The following MIB1 variants were observed in gnomAD, a reference collection of about 807,000 sequenced individuals.
MIB1 encodes the protein MIB E3 ubiquitin protein ligase 1, also known as E3 ubiquitin-protein ligase MIB1.
Under a neutral mutation model 124.5 loss-of-function variants are expected in MIB1, and 278 were observed. The observed-to-expected ratio is 2.23, with a 90% CI of 2.02 to 2.47. The LOEUF is 2.47. Ranked by LOEUF, MIB1 falls within the 30% of genes most tolerant of loss-of-function variation. The pLI is 0.00. For synonymous variants in MIB1, 446 were observed against 429.4 expected, an observed-to-expected ratio of 1.04 and a Z score of -0.48; for missense variants, 957 against 1,254.4, an observed-to-expected ratio of 0.76 and a Z score of 3.58.
intron 1 of MIB1, among the ~76,000 whole-genome samples, chr18:21,758,440 G>T (rs1190847017): frequency 6.6e-6 from 1 of 152,176 alleles, no homozygotes; most frequent in East Asian, 1.9e-4. Flanking sequence ...TGCGGTTAAA[G>T]TTGAATGAAT....
chr18:21,815,615 G>A lies in MIB1; in HGVS notation c.1480-1G>A. On this transcript the variant is annotated splice_acceptor_variant, in intron 10 of 20. Transcript: ENST00000261537. LOFTEE classifies it high-confidence loss of function. Reference sequence around the variant, plus strand: ...ATTCACATTTCAATACTAATGATTAGGATAAAGATGGTGATAGAGCAGTTC... The same window carrying A: ...ATTCACATTTCAATACTAATGATTAAGATAAAGATGGTGATAGAGCAGTTC... The A allele has an allele frequency of 1.2e-6, 2 of 1,612,990 alleles. No individual in the cohort carries two copies. Among genetic ancestry groups the A allele is most frequent in the Non-Finnish European group, 1.7e-6 (2 of 1,179,180 alleles).
At chr18:21,830,058 A>G (rs2041964358) in intron 12 of MIB1, among the ~76,000 whole-genome samples, 1 of 152,210 alleles carries the variant, frequency 6.6e-6, no homozygotes, top group African/African-American at 2.4e-5. Context: ...AAAAAAGGGC[A>G]GGGATAGTAG....
At chr18:21,775,727 G>A (rs577109961) in intron 4 of MIB1, among the ~76,000 whole-genome samples, 1 of 152,158 alleles carries the variant, frequency 6.6e-6, no homozygotes, top group Non-Finnish European at 1.5e-5. Flanking sequence ...AATGAAGCCT[G>A]TGTGCTATAT....
chr18:21,841,326 C>T (rs562963525), intron 13 of MIB1, among the ~76,000 whole-genome samples: 3 of 152,262 alleles, frequency 2.0e-5, no homozygotes, highest in Non-Finnish European at 4.4e-5. Flanking sequence ...AGCATCATGC[C>T]ACTGCATGCC....
At position 21,867,449 on chromosome 18, in the gene MIB1, G is replaced by A. The variant is rs1026179907; in HGVS notation, c.*2783G>A. On this transcript the variant is annotated 3_prime_UTR_variant, in exon 21 of 21. Coordinates refer to ENST00000261537, the MANE Select transcript of MIB1 (RefSeq NM_020774.4). ...ATGGTATTTGTTCACGTAATTTAAC[G>A]TTCTTACTGCTTATACTATATACAT... 4.6e-5 allele frequency: 7 copies of A among 152,454 alleles called. No homozygotes were observed. Among genetic ancestry groups the A allele is most frequent in the East Asian group, 3.8e-4 (2 of 5,196 alleles). 9.4% of individuals were successfully genotyped at this position (152,454 alleles called of 1,614,324 possible).
intron 17 of MIB1, among the ~76,000 whole-genome samples, chr18:21,852,729 C>T (rs1460920208): frequency 6.6e-6 from 1 of 152,184 alleles, no homozygotes; most frequent in Non-Finnish European, 1.5e-5. Context: ...TTTGGCTAAT[C>T]TAGCTAGATT....
chr18:21,786,344 G>A (rs1276469259), intron 6 of MIB1, among the ~76,000 whole-genome samples: 1 of 152,150 alleles, frequency 6.6e-6, no homozygotes, highest in African/African-American at 2.4e-5. Context: ...TGATCCGCCC[G>A]CCTCGGCCTC....
intron 1 of MIB1, among the ~76,000 whole-genome samples, chr18:21,715,300 A>G (rs1197042930): frequency 6.6e-6 from 1 of 152,200 alleles, no homozygotes; most frequent in African/African-American, 2.4e-5. Context: ...AGCCACATCC[A>G]TAGGAAAAGG....
At chr18:21,770,180 G>T (rs555910293) in intron 3 of MIB1, among the ~76,000 whole-genome samples, 2 of 152,120 alleles carry the variant, frequency 1.3e-5, no homozygotes, top group Non-Finnish European at 2.9e-5. Context: ...CTCCACCCTG[G>T]GTGACAGAGT....
intron 1 of MIB1, among the ~76,000 whole-genome samples, chr18:21,713,378 G>A (rs996337608): frequency 6.8e-6 from 1 of 146,164 alleles, no homozygotes; most frequent in African/African-American, 2.6e-5. Context: ...TTGGGAGGCC[G>A]AGACAGGTGG....
At chr18:21,840,655 ATATATATATATTTTTTT>A (rs1473061063) in intron 13 of MIB1, among the ~76,000 whole-genome samples, 141 of 3,654 alleles carry the variant, frequency 0.039, 2 homozygotes, top group Middle Eastern at 0.12. Flanking sequence ...ATATATATAT[ATATATATATATTTTTTT>A]TTTTTTTTAA....
intron 5 of MIB1, among the ~76,000 whole-genome samples, 162 bp from the exon 6 acceptor site, chr18:21,779,319 C>G (rs948568985): frequency 2.0e-5 from 3 of 152,094 alleles, no homozygotes; most frequent in African/African-American, 4.8e-5. Flanking sequence ...TTAAAAAAAG[C>G]TTTCTAGTTC....
chr18:21,836,400 T>G (rs1017739860), intron 12 of MIB1, among the ~76,000 whole-genome samples: 7 of 152,156 alleles, frequency 4.6e-5, no homozygotes, highest in Admixed American at 6.5e-5. Context: ...ACAAAAAGTT[T>G]TTAATCAAGC....
At chr18:21,837,974 A>C (rs1023127521) in intron 12 of MIB1, among the ~76,000 whole-genome samples, 10 of 152,176 alleles carry the variant, frequency 6.6e-5, no homozygotes, top group African/African-American at 2.4e-4. Context: ...GGTTCCCCAA[A>C]GCCAAAGTGG....
chr18:21,778,121 C>T lies in MIB1; in HGVS notation c.655C>T (p.Gln219Ter). Residue 219 changes from glutamine to a stop codon, truncating the protein, a stop_gained, in exon 5 of 21, where the codon CAG becomes TAG. Transcript: ENST00000261537. LOFTEE classifies it high-confidence loss of function. ...TTCTTAGTCTGATCTGAAATGTGTC[C>T]AGGATGCCAAGGGAGGTTCTTTCTA... ...FEGMSDLKCV[Q>*]DAKGGSFYRD... 1 of 1,612,408 alleles carries T rather than the reference C, an allele frequency of 6.2e-7. No individual in the cohort carries two copies. Among genetic ancestry groups the T allele is most frequent in the Non-Finnish European group, 8.5e-7 (1 of 1,178,890 alleles).
chr18:21,756,319 G>T (rs191995910), intron 1 of MIB1, among the ~76,000 whole-genome samples: 1 of 152,256 alleles, frequency 6.6e-6, no homozygotes, highest in African/African-American at 2.4e-5. Context: ...TGGTCTGTCA[G>T]TCATTTTTTT....
chr18:21,726,531 C>T (rs2146361797), intron 1 of MIB1, among the ~76,000 whole-genome samples: 2 of 152,200 alleles, frequency 1.3e-5, no homozygotes, highest in East Asian at 3.9e-4. Flanking sequence ...TTTCTATGTC[C>T]CTCATCATGC....
rs946454877 is a variant in MIB1 at position 21,784,227 on chromosome 18, T to G, written c.908+4542T>G. On this transcript the variant is annotated intron_variant, in intron 6 of 20. Coordinates refer to ENST00000261537, the MANE Select transcript of MIB1 (RefSeq NM_020774.4). Reference sequence around the variant, plus strand: ...CCACACCCAGCTAGTTTTTGTATTTTTAGTAGAGAGGGGGTTTCACCATGT... The same window carrying G: ...CCACACCCAGCTAGTTTTTGTATTTGTAGTAGAGAGGGGGTTTCACCATGT... 2.6e-5 allele frequency among the ~76,000 whole-genome samples: 4 copies of G among 152,124 alleles called. No individual in the cohort carries two copies. The South Asian group carries it at 6.2e-4, about 24-fold the overall frequency.
intron 1 of MIB1, among the ~76,000 whole-genome samples, chr18:21,763,388 C>G (rs918057026): frequency 6.6e-6 from 1 of 152,100 alleles, no homozygotes; most frequent in East Asian, 1.9e-4. Context: ...TTGCATGTTT[C>G]TGCTAAGCAA....
Sources: allele counts gnomAD v4.1 joint callset (sites outside exome capture counted in the v4.1 genomes callset), GRCh38; gene constraint gnomAD v4.1.1; transcripts MANE v1.5; gene names NCBI Gene and HGNC (gene_info 2026-07-23, HGNC 2026-07-21).